The following ATRNL1 variants were observed in gnomAD, a reference collection of about 807,000 sequenced individuals.
The protein encoded by ATRNL1 is attractin-like protein 1.
In ATRNL1, 95 loss-of-function variants were observed where a neutral mutation model predicts 182.7. The ratio of observed to expected loss-of-function variants is 0.52; its 90% CI spans 0.44 to 0.62. The LOEUF (loss-of-function observed/expected upper bound fraction) is 0.62, where lower values mean the gene tolerates loss of function less well. Ranked by LOEUF, ATRNL1 falls within the 20% of genes least tolerant of loss-of-function variation. ATRNL1 has a pLI of 0.00. For missense variants in ATRNL1, 1,471 were observed against 1,679.5 expected (o/e 0.88, Z 2.17); for synonymous variants, 576 against 568.3 (o/e 1.01, Z -0.19).
intron 26 of ATRNL1, among the ~76,000 whole-genome samples, chr10:115,562,541 T>TTGTA (rs1853819972): frequency 2.0e-5 from 3 of 152,170 alleles, no homozygotes; most frequent in Admixed American, 6.5e-5. Flanking sequence ...TCATCTTGAA[T>TTGTA]TGTAGTTCCC....
intron 19 of ATRNL1, 76 bp downstream of exon 19, chr10:115,334,495 A>G: frequency 8.5e-7 from 1 of 1,178,476 alleles, no homozygotes; most frequent in Non-Finnish European, 1.1e-6. Context: ...CCTGTTGTGG[A>G]GAATATATAC....
At chr10:115,586,913 A>G (rs4298817) in intron 26 of ATRNL1, among the ~76,000 whole-genome samples, 106,142 of 109,726 alleles carry the variant, frequency 0.97, 51,713 homozygotes, top group East Asian at 1. Flanking sequence ...TGATGATGGT[A>G]ATGTACAGAT....
At chr10:115,225,460 G>C (rs1208508262) in intron 9 of ATRNL1, among the ~76,000 whole-genome samples, 1 of 101,222 alleles carries the variant, frequency 9.9e-6, no homozygotes, top group Non-Finnish European at 2.4e-5. Flanking sequence ...TTTCCAGCCA[G>C]TGTAATAAGG....
chr10:115,121,748 A>C lies in ATRNL1; in HGVS notation c.427A>C (p.Ser143Arg). The change falls in exon 3 of 29, where the codon AGC becomes CGC. Residue 143 changes from serine (S) to arginine (R), a missense_variant. Transcript: ENST00000355044. ...ATTCAATCATTTTGCTACAGAATGT[A>C]GCTGGGATCATATGTATGTTTATGA... Reference protein sequence around the residue: ...LRFNHFATECSWDHMYVYDGD... With the variant: ...LRFNHFATECRWDHMYVYDGD... 1.9e-6 allele frequency: 3 copies of C among 1,581,158 alleles called. No homozygotes were observed. Among genetic ancestry groups the C allele is most frequent in the Non-Finnish European group, 2.6e-6 (3 of 1,161,926 alleles).
intron 24 of ATRNL1, among the ~76,000 whole-genome samples, chr10:115,497,455 T>A (rs1459265533): frequency 6.6e-6 from 1 of 152,162 alleles, no homozygotes; most frequent in Non-Finnish European, 1.5e-5. Flanking sequence ...AATGCCACTT[T>A]TGGGCGGGCA....
intron 5 of ATRNL1, among the ~76,000 whole-genome samples, chr10:115,132,078 C>G (rs532987990): frequency 1.4e-5 from 2 of 148,052 alleles, no homozygotes; most frequent in African/African-American, 2.5e-5. Context: ...TATCCCTCCC[C>G]CCTCCCCACA....
chr10:115,888,964 C>T (rs1427066528), intron 28 of ATRNL1, among the ~76,000 whole-genome samples: 3 of 152,144 alleles, frequency 2.0e-5, no homozygotes, highest in African/African-American at 7.2e-5. Context: ...GGAATATAGT[C>T]CCCTACATAC....
chr10:115,298,776 A>C (rs1197931703), intron 15 of ATRNL1, among the ~76,000 whole-genome samples: 1 of 152,064 alleles, frequency 6.6e-6, no homozygotes, highest in Non-Finnish European at 1.5e-5. Context: ...ATTCTAATGA[A>C]TTTTGTTTAG....
intron 26 of ATRNL1, among the ~76,000 whole-genome samples, chr10:115,723,282 G>C (rs1222865404): frequency 4.6e-5 from 7 of 152,132 alleles, no homozygotes; most frequent in African/African-American, 1.7e-4. Context: ...TAGGAGGTAT[G>C]AAGACAATTG....
intron 26 of ATRNL1, among the ~76,000 whole-genome samples, chr10:115,647,614 G>C (rs1555032998): frequency 1.3e-5 from 2 of 152,126 alleles, no homozygotes; most frequent in African/African-American, 4.8e-5. Flanking sequence ...AGAAGTGTCT[G>C]TTCATATCCT....
intron 26 of ATRNL1, among the ~76,000 whole-genome samples, chr10:115,572,872 C>A (rs1854482587): frequency 6.6e-6 from 1 of 152,070 alleles, no homozygotes; most frequent in Non-Finnish European, 1.5e-5. Context: ...GTTTGGTTGC[C>A]CTGCAGCTCA....
chr10:115,776,062 C>G (rs1949119190), intron 27 of ATRNL1, among the ~76,000 whole-genome samples: 1 of 151,894 alleles, frequency 6.6e-6, no homozygotes, highest in South Asian at 2.1e-4. Context: ...TATAGGCTGT[C>G]TGCTTTCTTG....
At chr10:115,285,298 T>C (rs1554918301) in intron 14 of ATRNL1, among the ~76,000 whole-genome samples, 1 of 152,152 alleles carries the variant, frequency 6.6e-6, no homozygotes, top group East Asian at 1.9e-4. Flanking sequence ...AGAGAAGTTC[T>C]GTGGGACCCT....
intron 27 of ATRNL1, 62 bp downstream of exon 27, chr10:115,727,417 T>TA: frequency 1.6e-6 from 2 of 1,259,242 alleles, no homozygotes; most frequent in Non-Finnish European, 2.3e-6. Flanking sequence ...ATTGCTTCTC[T>TA]AATCTACATC....
intron 26 of ATRNL1, among the ~76,000 whole-genome samples, chr10:115,672,360 C>T (rs1034664157): frequency 3.9e-5 from 6 of 152,222 alleles, no homozygotes; most frequent in Middle Eastern, 3.4e-3. Context: ...CTTTTTCCAA[C>T]TTATTGTATT....
At chr10:115,448,620 A>C (rs1244195217) in intron 21 of ATRNL1, among the ~76,000 whole-genome samples, 2 of 152,122 alleles carry the variant, frequency 1.3e-5, no homozygotes, top group African/African-American at 4.8e-5. Context: ...ATAATTAGAG[A>C]AGCAAGAACA....
At chr10:115,937,564 T>G (rs549180636) in intron 28 of ATRNL1, among the ~76,000 whole-genome samples, 17 of 152,368 alleles carry the variant, frequency 1.1e-4, no homozygotes, top group African/African-American at 3.8e-4. Flanking sequence ...AGTTGCATAT[T>G]GGCGAGGGTG....
At chr10:115,112,441 A>C (rs1166050968) in intron 1 of ATRNL1, among the ~76,000 whole-genome samples, 34 of 152,128 alleles carry the variant, frequency 2.2e-4, no homozygotes, top group Non-Finnish European at 2.9e-5. Context: ...TTTTTTTTGC[A>C]CCAAAACAAA....
chr10:115,742,122 TGTGAAG>T (rs1362704551), intron 27 of ATRNL1, among the ~76,000 whole-genome samples: 1 of 152,060 alleles, frequency 6.6e-6, no homozygotes, highest in African/African-American at 2.4e-5. Context: ...GCAAGAGATG[TGTGAAG>T]ATGAGAAAGT....
Sources: allele counts gnomAD v4.1 joint callset (sites outside exome capture counted in the v4.1 genomes callset), GRCh38; gene constraint gnomAD v4.1.1; transcripts MANE v1.5; gene names NCBI Gene and HGNC (gene_info 2026-07-23, HGNC 2026-07-21).